Variants in FGR observed in about 807,000 individuals in gnomAD.
The protein encoded by FGR is tyrosine-protein kinase Fgr.
In FGR, 26 loss-of-function variants were observed where a neutral mutation model predicts 63.2. The observed-to-expected ratio is 0.41, with a 90% confidence interval of 0.30 to 0.57. The LOEUF (loss-of-function observed/expected upper bound fraction) is 0.57, where lower values mean the gene tolerates loss of function less well. Among genes scored for constraint, FGR ranks in the 20% least tolerant of loss-of-function variants. The pLI, the probability that FGR is intolerant of heterozygous loss-of-function variation, is 0.27. For missense variants in FGR, 511 were observed against 690.8 expected (o/e 0.74, Z 2.92); for synonymous variants, 286 against 277.7 (o/e 1.03, Z -0.30).
intron 1 of FGR, chr1:27,626,413 C>A (rs1319814768): frequency 2.6e-6 from 1 of 388,802 alleles, no homozygotes; most frequent in East Asian, 3.6e-5. Flanking sequence ...CAGATATTCT[C>A]TTCCTCTTCT....
In FGR at chr1:27,625,940, A is replaced by AAAAC. The variant is rs370026843; in HGVS notation, c.-76-793_-76-790dup. 1,241 of 396,240 alleles carry AAAAC rather than the reference A, an allele frequency of 3.1e-3. 8 individuals are homozygous for AAAAC. The highest frequency in any genetic ancestry group is 0.022 in the African/African-American group (1,067 of 48,574). The allele number at this position is 396,240 out of a possible 1,614,324, so 24.5% of individuals were successfully genotyped here. A position where few individuals can be genotyped will look rare whatever the true frequency, so the allele number is the denominator to read the frequency against. ...GGTGACAGAGCAAGACTCCATCTCA[A>AAAAC]AAACAAACAAACAAACAAACAAAAA... On this transcript the variant is annotated intron_variant, in intron 1 of 12. Coordinates refer to ENST00000374005, the MANE Select transcript of FGR (RefSeq NM_005248.3).
chr1:27,622,988 T>G, intron 4 of FGR, 54 bp downstream of exon 4: 1 of 1,294,888 alleles, frequency 7.7e-7, no homozygotes, highest in South Asian at 1.2e-5. Flanking sequence ...GATTCCTGTC[T>G]GTGTCCTGCT....
intron 1 of FGR, among the ~76,000 whole-genome samples, chr1:27,633,675 A>G (rs1460469058): frequency 6.6e-6 from 1 of 152,142 alleles, no homozygotes; most frequent in Non-Finnish European, 1.5e-5. Context: ...CAGCCTCTGG[A>G]GTAGCTGGGA....
At chr1:27,625,506 A>T (rs1399502540) in intron 1 of FGR, among the ~76,000 whole-genome samples, 1 of 152,230 alleles carries the variant, frequency 6.6e-6, no homozygotes, top group African/African-American at 2.4e-5. Flanking sequence ...ACACATGCAC[A>T]TATACATGGG....
At chr1:27,630,423 T>C (rs1265152893) in intron 1 of FGR, among the ~76,000 whole-genome samples, 2 of 152,106 alleles carry the variant, frequency 1.3e-5, no homozygotes, top group East Asian at 3.9e-4. Context: ...CTCAAGACAA[T>C]TTTTCTTCTT....
At chr1:27,626,930 G>T (rs1269219491) in intron 1 of FGR, among the ~76,000 whole-genome samples, 1 of 152,114 alleles carries the variant, frequency 6.6e-6, no homozygotes. Context: ...ACTTTGGTAG[G>T]CCGAGGCAGG....
intron 5 of FGR, among the ~76,000 whole-genome samples, chr1:27,620,936 G>A (rs1336992739): frequency 4.7e-5 from 6 of 126,456 alleles, no homozygotes; most frequent in African/African-American, 1.5e-4. Flanking sequence ...GCGGTGAGCC[G>A]AGATTGTGCC....
chr1:27,632,763 G>C (rs1013038249), intron 1 of FGR, among the ~76,000 whole-genome samples: 1 of 152,106 alleles, frequency 6.6e-6, no homozygotes, highest in African/African-American at 2.4e-5. Flanking sequence ...GGGGGTCCAG[G>C]GGCAGCCAAG....
At position 27,613,233 on chromosome 1, in the gene FGR, C is replaced by T. The variant is rs758102069; in HGVS notation, c.1367G>A (p.Arg456Gln). Residue 456 changes from arginine to glutamine, a missense_variant, in exon 12 of 13, where the codon CGA (arginine) becomes CAA (glutamine). Transcript: ENST00000374005. Reference protein sequence around the residue: ...ILLTELITKGRIPYPGMNKRE... With the variant: ...ILLTELITKGQIPYPGMNKRE... Reference sequence around the variant, plus strand: ...GCGAGGCAAACCTGGGTAGGGGATTCGGCCCTTGGTGATGAGCTCAGTGAG... The same window carrying T: ...GCGAGGCAAACCTGGGTAGGGGATTTGGCCCTTGGTGATGAGCTCAGTGAG... The T allele has an allele frequency of 6.8e-6, 11 of 1,613,732 alleles. No homozygotes were observed. The highest frequency in any genetic ancestry group is 5.0e-5 in the Admixed American group (3 of 59,994).
In FGR at chr1:27,615,888, AC is replaced by A. The variant is rs35558221; in HGVS notation, c.683-45del. On this transcript the variant is annotated intron_variant, in intron 7 of 12. Coordinates refer to ENST00000374005, the MANE Select transcript of FGR (RefSeq NM_005248.3). The surrounding 1 kb of genome is among the most constrained non-coding windows in gnomAD (Gnocchi z 7.6). Reference sequence around the variant, plus strand: ...AGTAGAGTCACAGGTGGGCCAGGACACCCCCCTCCACTCCTTATCCTATCCC... The same window carrying A: ...AGTAGAGTCACAGGTGGGCCAGGACACCCCCTCCACTCCTTATCCTATCCC... 9.3e-6 allele frequency: 14 copies of A among 1,500,078 alleles called. No individual in the cohort carries two copies. Among genetic ancestry groups the A allele is most frequent in the South Asian group, 2.6e-5 (2 of 77,688 alleles). 92.9% of individuals were successfully genotyped at this position (1,500,078 alleles called of 1,614,324 possible).
In FGR at chr1:27,615,826, C is replaced by A; in HGVS notation, c.701G>T (p.Cys234Phe). Reference protein sequence around the residue: ...QHYMEVNDGLCNLLIAPCTIM... With the variant: ...QHYMEVNDGLFNLLIAPCTIM... ...GGTGCAGGGCGCGATGAGCAGGTTG[C>A]ACAGCCCGTCATTCACCTCTAGGGG... Residue 234 changes from cysteine (C) to phenylalanine (F), a missense_variant, in exon 8 of 13, where the codon TGC becomes TTC. Coordinates refer to ENST00000374005, the MANE Select transcript of FGR (RefSeq NM_005248.3). This position sits in a 1 kb window ranked among gnomAD's most constrained non-coding sequence, Gnocchi z 7.6. 1 of 1,593,162 alleles carries A rather than the reference C, an allele frequency of 6.3e-7. No individual in the cohort carries two copies. The highest frequency in any genetic ancestry group is 8.6e-7 in the Non-Finnish European group (1 of 1,169,466).
At chr1:27,633,019 A>T (rs2148533115) in intron 1 of FGR, among the ~76,000 whole-genome samples, 1 of 152,078 alleles carries the variant, frequency 6.6e-6, no homozygotes, top group East Asian at 1.9e-4. Flanking sequence ...CCAAACATCC[A>T]CTCATATGCT....
intron 5 of FGR, among the ~76,000 whole-genome samples, chr1:27,620,389 G>A (rs2089899035): frequency 6.6e-6 from 1 of 151,346 alleles, no homozygotes; most frequent in African/African-American, 2.4e-5. Flanking sequence ...CAAGGTGAGA[G>A]GACTGCTTGA....
rs1157774689 is a variant in FGR at position 27,612,653 on chromosome 1, A to G, written c.*261T>C. 3 of 452,882 alleles carry G rather than the reference A, an allele frequency of 6.6e-6. No homozygotes were observed. Among genetic ancestry groups the G allele is most frequent in the Non-Finnish European group, 1.2e-5 (3 of 250,280 alleles). 28.1% of individuals were successfully genotyped at this position (452,882 alleles called of 1,614,324 possible). A position where few individuals can be genotyped will look rare whatever the true frequency, so the allele number is the denominator to read the frequency against. ...ACTTTGGGTGGGGATGGAGTGAGAA[A>G]GGCTACAGGCATGTAGGGGCCTAAG... On this transcript the variant is annotated 3_prime_UTR_variant, in exon 13 of 13. Coordinates refer to ENST00000374005, the MANE Select transcript of FGR (RefSeq NM_005248.3).
At position 27,615,962 on chromosome 1, in the gene FGR, G is replaced by A; in HGVS notation, c.683-118C>T. On this transcript the variant is annotated intron_variant, in intron 7 of 12. Coordinates refer to ENST00000374005, the MANE Select transcript of FGR (RefSeq NM_005248.3). The surrounding 1 kb of genome is among the most constrained non-coding windows in gnomAD (Gnocchi z 7.6). ...TCAGTTATAAGGAACTAGGCCCCAA[G>A]TGAGGTCACAGGCCAGGAAGAAAGG... is the stretch of plus-strand genomic sequence containing the variant. 8.5e-7 allele frequency: 1 copy of A among 1,170,154 alleles called. No individual in the cohort carries two copies. Among genetic ancestry groups the A allele is most frequent in the Non-Finnish European group, 1.2e-6 (1 of 854,714 alleles). 72.5% of individuals were successfully genotyped at this position (1,170,154 alleles called of 1,614,324 possible). A position where few individuals can be genotyped will look rare whatever the true frequency, so the allele number is the denominator to read the frequency against.
At chr1:27,629,598 A>T (rs1399001759) in intron 1 of FGR, among the ~76,000 whole-genome samples, 1 of 151,958 alleles carries the variant, frequency 6.6e-6, no homozygotes, top group East Asian at 1.9e-4. Flanking sequence ...TAGCCCTAGG[A>T]CTCTTCATCC....
At chr1:27,622,497 AT>A (rs1210154171) in intron 4 of FGR, among the ~76,000 whole-genome samples, 2 of 150,590 alleles carry the variant, frequency 1.3e-5, no homozygotes, top group Non-Finnish European at 3.0e-5. Context: ...TTTATTTTTT[AT>A]TTTTTAATTA....
chr1:27,623,841 T>G lies in FGR; in HGVS notation c.76A>C (p.Arg26=). Residue 26 remains arginine, a synonymous_variant, in exon 3 of 13, where the codon AGA becomes CGA. Transcript: ENST00000374005. ...TAGTGGTCTGCTGCCCCGTAGCTTC[T>G]GAAGTCCCCTTCCAGGCCAGCATCC... ...KEDAGLEGDF[R]SYGAADHYGP... is the part of the protein sequence containing the mutation. 1 of 1,613,938 alleles carries G rather than the reference T, an allele frequency of 6.2e-7. No individual in the cohort carries two copies. The highest frequency in any genetic ancestry group is 1.1e-5 in the South Asian group (1 of 91,082).
At chr1:27,625,754 T>G (rs1269272199) in intron 1 of FGR, among the ~76,000 whole-genome samples, 1 of 151,842 alleles carries the variant, frequency 6.6e-6, no homozygotes, top group Admixed American at 6.6e-5. Flanking sequence ...GCCTGGCCAA[T>G]ATGGTGAAAC....
Sources: allele counts gnomAD v4.1 joint callset (sites outside exome capture counted in the v4.1 genomes callset), GRCh38; gene constraint gnomAD v4.1.1; non-coding constraint Gnocchi (gnomAD v3.1); transcripts MANE v1.5; gene names NCBI Gene and HGNC (gene_info 2026-07-23, HGNC 2026-07-21).